Variants in ASPSCR1 observed in about 807,000 individuals in gnomAD.
ASPSCR1 encodes tether containing UBX domain for GLUT4.
A neutral mutation model predicts 68.9 loss-of-function variants in ASPSCR1; 55 were observed. That is an observed-to-expected ratio of 0.80 (90% CI 0.64 to 1.00). ASPSCR1 has a LOEUF of 1.00. Ranked by LOEUF, ASPSCR1 falls within the 50% of genes least tolerant of loss-of-function variation. ASPSCR1 has a pLI of 0.00. For missense variants in ASPSCR1, 765 were observed against 762.2 expected (o/e 1.00, Z -0.04); for synonymous variants, 352 against 332.6 (o/e 1.06, Z -0.63).
chr17:82,016,195 G>A (rs2043119943), intron 12 of ASPSCR1: 10 of 482,794 alleles, frequency 2.1e-5, no homozygotes, highest in South Asian at 6.7e-5. Flanking sequence ...GAGGGAGGAC[G>A]GTGATGCTGC....
chr17:81,977,989 A>C lies in ASPSCR1; in HGVS notation c.102+241A>C. The C allele has an allele frequency of 1.1e-5, 3 of 268,446 alleles. No individual in the cohort carries two copies. The highest frequency in any genetic ancestry group is 2.1e-5 in the Non-Finnish European group (3 of 144,396). The allele number at this position is 268,446 out of a possible 1,614,324, so 16.6% of individuals were successfully genotyped here. A position where few individuals can be genotyped will look rare whatever the true frequency, so the allele number is the denominator to read the frequency against. ...CGAGCCTTCCCAGGGGTGAGGTAGAACGGCGCCGCGTGTCACCCGCATCGA... is the reference window on the plus strand; with the variant it reads ...CGAGCCTTCCCAGGGGTGAGGTAGACCGGCGCCGCGTGTCACCCGCATCGA... On this transcript the variant is annotated intron_variant, in intron 1 of 15. Transcript: ENST00000306739. This position sits in a 1 kb window ranked among gnomAD's most constrained non-coding sequence, Gnocchi z 5.0.
chr17:81,985,509 T>G lies in ASPSCR1; in HGVS notation c.276T>G (p.Val92=). 1 of 1,614,040 alleles carries G rather than the reference T, an allele frequency of 6.2e-7. No individual in the cohort carries two copies. The highest frequency in any genetic ancestry group is 8.5e-7 in the Non-Finnish European group (1 of 1,179,984). The change falls in exon 4 of 16, where the codon GTT becomes GTG. Residue 92 remains valine (V), a splice_region_variant and synonymous_variant. Transcript: ENST00000306739. ...SRSREGPENM[V]RIALQLDDGS... ...TTCTCATGTCTTATACCCTCCAGGT[T>G]CGCATCGCTTTGCAGCTGGACGATG...
At chr17:81,995,216 C>T (rs910638178) in intron 5 of ASPSCR1, 11 of 461,856 alleles carry the variant, frequency 2.4e-5, no homozygotes, top group African/African-American at 1.8e-4. Context: ...TGGCGGGACC[C>T]TCCTAGCGCT....
chr17:81,995,285 G>A (rs2042299462), intron 5 of ASPSCR1: 1 of 370,022 alleles, frequency 2.7e-6, no homozygotes, highest in Admixed American at 4.2e-5. Context: ...CTTTGCTGGG[G>A]TGGGGGGGCA....
At chr17:81,979,457 G>A (rs1232353160) in intron 2 of ASPSCR1, among the ~76,000 whole-genome samples, 1 of 152,210 alleles carries the variant, frequency 6.6e-6, no homozygotes, top group Admixed American at 6.5e-5. Context: ...GGCTCCAAGC[G>A]TTCTGTGGCT....
At chr17:81,994,652 C>T (rs928897510) in intron 4 of ASPSCR1, among the ~76,000 whole-genome samples, 169 bp from the exon 5 acceptor site, 3 of 152,212 alleles carry the variant, frequency 2.0e-5, no homozygotes, top group African/African-American at 4.8e-5. Flanking sequence ...GGTTGTGGGG[C>T]GCAGTGGGGC....
rs1199938749 is a variant in ASPSCR1, at chr17:81,985,550, A to G, written c.317A>G (p.Asp106Gly). ...LQLDDGSRLQDSFCSGQTLWE... is the reference protein window; with the variant it reads ...LQLDDGSRLQGSFCSGQTLWE... ...CTGGACGATGGCTCGAGGTTGCAGGACTCTTTCTGTTCAGGCCAGACCCTC... is the reference window on the plus strand; with the variant it reads ...CTGGACGATGGCTCGAGGTTGCAGGGCTCTTTCTGTTCAGGCCAGACCCTC... Residue 106 changes from aspartate to glycine, a missense_variant, in exon 4 of 16, where the codon GAC (aspartate) becomes GGC (glycine). By Grantham distance (94) the Asp-to-Gly change is moderately conservative. Transcript: ENST00000306739. 1.2e-6 allele frequency: 2 copies of G among 1,613,598 alleles called. No homozygotes were observed. Among genetic ancestry groups the G allele is most frequent in the Admixed American group, 3.3e-5 (2 of 59,988 alleles).
rs570310841 is a variant in ASPSCR1, at chr17:81,999,889, G to A, written c.933+3043G>A. 2.2e-4 allele frequency among the ~76,000 whole-genome samples: 33 copies of A among 152,200 alleles called. No individual in the cohort carries two copies. The highest frequency in any genetic ancestry group is 3.8e-4 in the Non-Finnish European group (26 of 68,036). ...GGGCTCCCATCTAGCCCGGCGTCAGGGTCCAGCCCCTCTGTTTTCTGTCCC... is the reference window on the plus strand; with the variant it reads ...GGGCTCCCATCTAGCCCGGCGTCAGAGTCCAGCCCCTCTGTTTTCTGTCCC... On this transcript the variant is annotated intron_variant, in intron 7 of 15. Transcript: ENST00000306739. The surrounding 1 kb of genome is among the most constrained non-coding windows in gnomAD (Gnocchi z 4.4).
chr17:81,993,159 T>C lies in ASPSCR1; in HGVS notation c.375-1662T>C, dbSNP rs114775497. Among the ~76,000 whole-genome samples the C allele has an allele frequency of 8.6e-4, 131 of 152,246 alleles. 1 individual carries two copies. The highest frequency in any genetic ancestry group is 3.0e-3 in the African/African-American group (126 of 41,546). On this transcript the variant is annotated intron_variant, in intron 4 of 15. Transcript: ENST00000306739. ...CTGGGTGTGGCACCTTGGGCTTTTC[T>C]GCTTGGTCTGTTCTCATTTCAGGGA...
At chr17:82,003,337 A>G (rs926743346) in intron 7 of ASPSCR1, among the ~76,000 whole-genome samples, 4 of 152,176 alleles carry the variant, frequency 2.6e-5, no homozygotes, top group Non-Finnish European at 5.9e-5. Flanking sequence ...AGCCCCAGCT[A>G]CTTGGGAGGC....
At chr17:82,009,225 G>A (rs762322339) in intron 8 of ASPSCR1, 34 bp downstream of exon 8, 18 of 1,566,614 alleles carry the variant, frequency 1.1e-5, no homozygotes, top group Non-Finnish European at 1.4e-5. Flanking sequence ...CGGCATCTTC[G>A]CGCCAGGGTT....
At chr17:81,994,141 C>T (rs1222764613) in intron 4 of ASPSCR1, among the ~76,000 whole-genome samples, 1 of 152,238 alleles carries the variant, frequency 6.6e-6, no homozygotes, top group Non-Finnish European at 1.5e-5. Flanking sequence ...CTGCCATGCA[C>T]ATCAGGCATG....
chr17:82,016,036 G>A (rs1055097257), intron 12 of ASPSCR1: 53 of 187,208 alleles, frequency 2.8e-4, no homozygotes, highest in Non-Finnish European at 4.4e-4. Context: ...CCAGCCTGTG[G>A]CCCTGAGCAG....
At chr17:81,980,290 T>A (rs1215590189) in intron 2 of ASPSCR1, among the ~76,000 whole-genome samples, 1 of 152,262 alleles carries the variant, frequency 6.6e-6, no homozygotes, top group South Asian at 2.1e-4. Flanking sequence ...CTTGAAGACC[T>A]GTTTTTACAG....
In ASPSCR1 at chr17:81,983,668, G is replaced by T. The variant is rs147861765; in HGVS notation, c.273G>T (p.Met91Ile). Residue 91 changes from methionine to isoleucine, a missense_variant and splice_region_variant, in exon 3 of 16, where the codon ATG becomes ATT. Transcript: ENST00000306739. This position sits in a 1 kb window ranked among gnomAD's most constrained non-coding sequence, Gnocchi z 4.4. ...GGAGCCGTGAGGGGCCTGAGAACATGGTGGGTCGTGCTCTGGGGGAGGCTG... is the reference window on the plus strand; with the variant it reads ...GGAGCCGTGAGGGGCCTGAGAACATTGTGGGTCGTGCTCTGGGGGAGGCTG... ...ASRSREGPEN[M>I]VRIALQLDDG... 6,130 of 1,608,248 alleles carry T rather than the reference G, an allele frequency of 3.8e-3. 343 individuals carry two copies. The Admixed American group carries it at 0.095, about 25-fold the overall frequency.
At chr17:82,003,273 C>T (rs2042598483) in intron 7 of ASPSCR1, among the ~76,000 whole-genome samples, 1 of 152,216 alleles carries the variant, frequency 6.6e-6, no homozygotes. Context: ...TAACGAGACC[C>T]CATCTCTACA....
intron 3 of ASPSCR1, among the ~76,000 whole-genome samples, chr17:81,984,852 C>CCA (rs535826440): frequency 7.4e-6 from 1 of 135,416 alleles, no homozygotes; most frequent in Non-Finnish European, 1.6e-5. Flanking sequence ...TGCACACACC[C>CCA]CACACACACC....
At chr17:82,014,946 CAG>C in intron 12 of ASPSCR1, 1 of 1,147,896 alleles carries the variant, frequency 8.7e-7, no homozygotes, top group Non-Finnish European at 1.2e-6. Context: ...GGGAGCCAGG[CAG>C]GGGCAGCCTG....
chr17:82,010,341 G>A (rs140163497), intron 9 of ASPSCR1, among the ~76,000 whole-genome samples: 9,704 of 151,054 alleles, frequency 0.064, 340 homozygotes, highest in Non-Finnish European at 0.08. Context: ...CATCCTGGCT[G>A]ACACGGTGAA....
Sources: gnomAD v4.1 joint callset for allele counts (sites outside exome capture counted in the v4.1 genomes callset) on GRCh38, gnomAD v4.1.1 for gene constraint, Gnocchi (gnomAD v3.1) non-coding constraint, MANE v1.5 for transcripts, NCBI Gene and HGNC (gene_info 2026-07-23, HGNC 2026-07-21) for gene names.